Variants in SCHIP1 observed in about 807,000 individuals in gnomAD.
SCHIP1 encodes schwannomin-interacting protein 1.
In SCHIP1, 8 loss-of-function variants were observed where a neutral mutation model predicts 29.7. The ratio of observed to expected loss-of-function variants is 0.27; its 90% CI spans 0.16 to 0.49. SCHIP1 has a LOEUF of 0.49. SCHIP1 is among the 20% of genes least tolerant of loss of function. The pLI, the probability that SCHIP1 is intolerant of heterozygous loss-of-function variation, is 0.99. For missense variants in SCHIP1, 193 were observed against 294.6 expected (o/e 0.66, Z 2.52); for synonymous variants, 76 against 94.9 (o/e 0.80, Z 1.16).
chr3:159,474,785 A>G, the SCHIP1 span, among the ~76,000 whole-genome samples: 90 of 152,262 alleles, frequency 5.9e-4, no homozygotes, highest in African/African-American at 2.1e-3. Context: ...TTGGCTCTTG[A>G]GGAACCACTA....
chr3:159,491,496 T>G, the SCHIP1 span, among the ~76,000 whole-genome samples: 4 of 152,180 alleles, frequency 2.6e-5, no homozygotes, highest in Admixed American at 2.6e-4. Flanking sequence ...CCCACGGAGC[T>G]TCCCTCATTG....
the SCHIP1 span, among the ~76,000 whole-genome samples, chr3:159,554,017 TG>T: frequency 1.1e-5 from 1 of 95,018 alleles, no homozygotes; most frequent in African/African-American, 5.5e-5. Flanking sequence ...TGTGTGTGTG[TG>T]TTTGTGTATG....
chr3:159,583,414 A>C, the SCHIP1 span, among the ~76,000 whole-genome samples: 1 of 152,188 alleles, frequency 6.6e-6, no homozygotes, highest in Non-Finnish European at 1.5e-5. Context: ...ACTGTTACAA[A>C]AGACAATCCT....
the SCHIP1 span, among the ~76,000 whole-genome samples, chr3:159,391,370 A>G: frequency 6.6e-6 from 1 of 152,192 alleles, no homozygotes; most frequent in Non-Finnish European, 1.5e-5. Flanking sequence ...AATACTAAAG[A>G]CATTTTGAGT....
chr3:159,357,719 A>G, the SCHIP1 span, among the ~76,000 whole-genome samples: 358 of 152,334 alleles, frequency 2.4e-3, 1 homozygote, highest in African/African-American at 7.9e-3. Flanking sequence ...AAGGAGTAAA[A>G]TAGTACTTAT....
chr3:159,453,087 C>T, the SCHIP1 span, among the ~76,000 whole-genome samples: 1 of 152,218 alleles, frequency 6.6e-6, no homozygotes, highest in East Asian at 1.9e-4. Context: ...ATCCACCAGT[C>T]AGTAGCTGCT....
the SCHIP1 span, among the ~76,000 whole-genome samples, chr3:159,718,694 C>T: frequency 6.6e-6 from 1 of 152,084 alleles, no homozygotes. Flanking sequence ...AGGACCTCTT[C>T]AAGGAGAATT....
chr3:159,343,242 A>C, the SCHIP1 span, among the ~76,000 whole-genome samples: 1 of 151,964 alleles, frequency 6.6e-6, no homozygotes, highest in Admixed American at 6.6e-5. Flanking sequence ...ACTTAACCAT[A>C]CTCCTTCTCC....
At chr3:159,790,157 T>C in the SCHIP1 span, among the ~76,000 whole-genome samples, 1 of 152,158 alleles carries the variant, frequency 6.6e-6, no homozygotes, top group African/African-American at 2.4e-5. Flanking sequence ...GCTGAAAGAG[T>C]GCTCCTCTCT....
At chr3:159,798,575 T>C in the SCHIP1 span, among the ~76,000 whole-genome samples, 1 of 152,028 alleles carries the variant, frequency 6.6e-6, no homozygotes, top group Non-Finnish European at 1.5e-5. Context: ...CTGGCCAACA[T>C]GGTGAAACCC....
chr3:159,789,885 A>G, the SCHIP1 span, among the ~76,000 whole-genome samples: 1 of 152,184 alleles, frequency 6.6e-6, no homozygotes, highest in Non-Finnish European at 1.5e-5. Context: ...GAGCAGAACA[A>G]TCCTGTCAGC....
chr3:159,743,873 A>G, the SCHIP1 span, among the ~76,000 whole-genome samples: 1 of 152,214 alleles, frequency 6.6e-6, no homozygotes, highest in African/African-American at 2.4e-5. Flanking sequence ...TTAAAACTGC[A>G]TATGAATGCA....
the SCHIP1 span, among the ~76,000 whole-genome samples, chr3:159,679,886 G>C: frequency 1.3e-5 from 2 of 151,942 alleles, no homozygotes; most frequent in Non-Finnish European, 2.9e-5. Flanking sequence ...ATTCAGCCCA[G>C]GGCCTTTGCC....
the SCHIP1 span, among the ~76,000 whole-genome samples, chr3:159,367,956 G>A: frequency 6.6e-6 from 1 of 152,150 alleles, no homozygotes; most frequent in African/African-American, 2.4e-5. Context: ...TCATAAGATA[G>A]CACATTACTG....
At chr3:159,445,511 G>A in the SCHIP1 span, among the ~76,000 whole-genome samples, 5 of 151,832 alleles carry the variant, frequency 3.3e-5, no homozygotes, top group African/African-American at 9.7e-5. Context: ...ATTTGACCCA[G>A]CCATCCCATT....
chr3:159,778,837 A>G, the SCHIP1 span, among the ~76,000 whole-genome samples: 3 of 152,206 alleles, frequency 2.0e-5, no homozygotes, highest in Non-Finnish European at 2.9e-5. Flanking sequence ...GGGCAGATAA[A>G]GAGAGAAATA....
chr3:159,551,448 C>T, the SCHIP1 span, among the ~76,000 whole-genome samples: 1 of 152,058 alleles, frequency 6.6e-6, no homozygotes, highest in Admixed American at 6.6e-5. Context: ...TTATCACTAG[C>T]TTTAGTGCAC....
the SCHIP1 span, among the ~76,000 whole-genome samples, chr3:159,346,543 G>C: frequency 6.6e-6 from 1 of 152,114 alleles, no homozygotes; most frequent in Non-Finnish European, 1.5e-5. Flanking sequence ...AAAAAAGAGA[G>C]CAGTTTTAAG....
At chr3:159,716,606 A>G in the SCHIP1 span, among the ~76,000 whole-genome samples, 1 of 152,206 alleles carries the variant, frequency 6.6e-6, no homozygotes, top group Non-Finnish European at 1.5e-5. Context: ...CTGATAAAAC[A>G]GACTTTAAAC....
Sources: gnomAD v4.1 joint callset for allele counts (sites outside exome capture counted in the v4.1 genomes callset) on GRCh38, gnomAD v4.1.1 for gene constraint, MANE v1.5 for transcripts, NCBI Gene and HGNC (gene_info 2026-07-23, HGNC 2026-07-21) for gene names.